The following KIAA1210 variants were observed in gnomAD, a reference collection of about 807,000 sequenced individuals.
KIAA1210 encodes acrosomal protein KIAA1210.
Under a neutral mutation model 78.9 loss-of-function variants are expected in KIAA1210, and 48 were observed. The observed-to-expected ratio is 0.61, with a 90% CI of 0.48 to 0.77. KIAA1210 has a LOEUF of 0.77. KIAA1210 is among the 30% of genes least tolerant of loss of function. KIAA1210 has a pLI of 0.00. For missense variants in KIAA1210, 1,108 were observed against 1,100.0 expected (o/e 1.01, Z -0.10); for synonymous variants, 406 against 404.5 (o/e 1.00, Z -0.04).
chrX:119,108,340 A>G lies in KIAA1210; in HGVS notation c.489T>C (p.Thr163=). ...CTGAACAATTCCACTTTGTTACCTC[A>G]GTGATCTTGGGGCCAGCAACCCAGA... ...SAVWVAGPKI[T]ENPPSRRRRL... Residue 163 remains threonine, a synonymous_variant, in exon 5 of 12, where the codon ACT becomes ACC. Transcript: ENST00000691062. 1.7e-6 allele frequency: 2 copies of G among 1,209,027 alleles called. No individual in the cohort carries two copies. The highest frequency in any genetic ancestry group is 2.2e-6 in the Non-Finnish European group (2 of 893,951).
intron 8 of KIAA1210, among the ~76,000 whole-genome samples, chrX:119,092,748 G>A (rs1337760369): frequency 3.1e-5 from 3 of 95,543 alleles, no homozygotes; most frequent in Admixed American, 1.2e-4. Flanking sequence ...GTGACAGAGT[G>A]AGACTCCGTC....
intron 6 of KIAA1210, among the ~76,000 whole-genome samples, chrX:119,097,285 C>G (rs751341865): frequency 9.0e-6 from 1 of 111,512 alleles, no homozygotes; most frequent in African/African-American, 3.3e-5. Context: ...AGTGATGGAG[C>G]CTGTAACCCT....
rs779296855 is a variant in KIAA1210 at position 119,089,745 on chromosome X, A to T, written c.957T>A (p.Asp319Glu). The change falls in exon 9 of 12, where the codon GAT becomes GAA. Residue 319 changes from aspartate to glutamate, a missense_variant and splice_region_variant. By Grantham distance (45) the Asp-to-Glu change is conservative. Coordinates refer to ENST00000691062, the MANE Select transcript of KIAA1210 (RefSeq NM_001394962.1). ...TGTTGTTCTGTTTCTGGCTTGAGGA[A>T]TCTGCACCAAACAGAAATAAGGAAA... ...NEKKLGMDSA[D>E]SSSQKQNNKT... 21 of 1,190,497 alleles carry T rather than the reference A, an allele frequency of 1.8e-5. No homozygotes were observed. The highest frequency in any genetic ancestry group is 2.4e-5 in the Non-Finnish European group (21 of 886,059).
At chrX:119,095,523 G>A (rs949714084) in intron 7 of KIAA1210, among the ~76,000 whole-genome samples, 1 of 111,121 alleles carries the variant, frequency 9.0e-6, no homozygotes, top group African/African-American at 3.3e-5. Context: ...AGAGTAGCTG[G>A]GATTACAGGG....
chrX:119,094,222 T>C, intron 7 of KIAA1210: 3 of 433,728 alleles, frequency 6.9e-6, no homozygotes, highest in Non-Finnish European at 1.2e-5. Flanking sequence ...GGGAATGTAA[T>C]GAAAGCATGA....
In KIAA1210 at chrX:119,089,219, G is replaced by C. The variant is rs776198112; in HGVS notation, c.1483C>G (p.Leu495Val). 11 of 1,211,408 alleles carry C rather than the reference G, an allele frequency of 9.1e-6. No individual in the cohort carries two copies. The South Asian group carries it at 1.9e-4, about 21-fold the overall frequency. The change falls in exon 9 of 12, where the codon CTG becomes GTG. Residue 495 changes from leucine (L) to valine (V), a missense_variant. Physicochemically the swap from Leu to Val is conservative, Grantham distance 32. Transcript: ENST00000691062. ...GTTGTAGAAAGGCTTTCCACCATCA[G>C]TGAGAGAGAAGCTCTGGCTTCTGTC... ...EKTEARASLSLMVESLSTTQE... is the reference protein window; with the variant it reads ...EKTEARASLSVMVESLSTTQE...
At chrX:119,119,407 GC>G (rs1408096005) in intron 2 of KIAA1210, among the ~76,000 whole-genome samples, 1 of 112,314 alleles carries the variant, frequency 8.9e-6, no homozygotes, top group Non-Finnish European at 1.9e-5. Context: ...ACTAGAATTT[GC>G]CTATATAGGG....
At position 119,106,530 on chromosome X, in the gene KIAA1210, T is replaced by C. The variant is rs148502381; in HGVS notation, c.493-1383A>G. ...TACTGAAGCCCAAGTTCAAGACGTT[T>C]AAAGGCAACAACCAGAACATATGGT... On this transcript the variant is annotated intron_variant, in intron 5 of 11. Coordinates refer to ENST00000691062, the MANE Select transcript of KIAA1210 (RefSeq NM_001394962.1). 4.8e-4 allele frequency among the ~76,000 whole-genome samples: 54 copies of C among 111,846 alleles called. 2 individuals are homozygous for C. In the East Asian group the frequency reaches 0.013, roughly 28 times the overall value.
At chrX:119,107,833 G>T (rs1359911610) in intron 5 of KIAA1210, among the ~76,000 whole-genome samples, 1 of 111,977 alleles carries the variant, frequency 8.9e-6, no homozygotes, top group Non-Finnish European at 1.9e-5. Flanking sequence ...CAGCTGTTAA[G>T]GGTTGTCTCC....
chrX:119,103,490 G>A (rs1331721284), intron 6 of KIAA1210, among the ~76,000 whole-genome samples: 1 of 111,828 alleles, frequency 8.9e-6, no homozygotes, highest in Non-Finnish European at 1.9e-5. Context: ...TACATTGCTA[G>A]TGGGGATGTA....
intron 6 of KIAA1210, among the ~76,000 whole-genome samples, chrX:119,101,958 A>G (rs1191541551): frequency 8.9e-6 from 1 of 112,756 alleles, no homozygotes; most frequent in Non-Finnish European, 1.9e-5. Flanking sequence ...TGTTGTTGTA[A>G]AGATTAAATA....
chrX:119,122,448 A>G (rs1385505174), intron 2 of KIAA1210, among the ~76,000 whole-genome samples: 1 of 111,953 alleles, frequency 8.9e-6, no homozygotes, highest in Admixed American at 9.5e-5. Flanking sequence ...AGCCCTGACT[A>G]GTTCTAAAAC....
intron 3 of KIAA1210, among the ~76,000 whole-genome samples, chrX:119,114,285 C>CAGGAG (rs112180303): frequency 7.1e-4 from 79 of 111,366 alleles, no homozygotes; most frequent in African/African-American, 2.5e-3. Context: ...TGTGGGCCAA[C>CAGGAG]AGGAGAGGAG....
intron 2 of KIAA1210, among the ~76,000 whole-genome samples, chrX:119,116,983 C>T (rs1248884981): frequency 8.9e-6 from 1 of 112,320 alleles, no homozygotes; most frequent in Non-Finnish European, 1.9e-5. Context: ...AACATATACA[C>T]CTCTTTCTTT....
intron 8 of KIAA1210, among the ~76,000 whole-genome samples, chrX:119,092,371 A>G: frequency 8.9e-6 from 1 of 112,030 alleles, no homozygotes; most frequent in East Asian, 2.8e-4. Context: ...TATGCTCCAA[A>G]CCACTTCCAT....
At chrX:119,118,040 A>C (rs1928331861) in intron 2 of KIAA1210, among the ~76,000 whole-genome samples, 1 of 112,115 alleles carries the variant, frequency 8.9e-6, no homozygotes, top group South Asian at 3.7e-4. Flanking sequence ...TTTCACATGC[A>C]ACAAGTGCCA....
intron 7 of KIAA1210, among the ~76,000 whole-genome samples, chrX:119,095,757 C>T (rs770171038): frequency 5.3e-5 from 6 of 112,257 alleles, no homozygotes; most frequent in South Asian, 3.7e-4. Flanking sequence ...ACAGGGATCA[C>T]GGAAAATAAT....
At position 119,088,777 on chromosome X, in the gene KIAA1210, G is replaced by T. The variant is rs1381113922; in HGVS notation, c.1925C>A (p.Ser642Ter). 2 of 1,209,706 alleles carry T rather than the reference G, an allele frequency of 1.7e-6. No homozygotes were observed. Among genetic ancestry groups the T allele is most frequent in the Admixed American group, 4.4e-5 (2 of 45,761 alleles). The change falls in exon 9 of 12, where the codon TCA (serine) becomes TAA (stop). Residue 642 changes from serine to a stop codon, truncating the protein, a stop_gained. Coordinates refer to ENST00000691062, the MANE Select transcript of KIAA1210 (RefSeq NM_001394962.1). LOFTEE classifies it high-confidence loss of function. ...GCTCAAGTCCTCAACAAAACTTTTT[G>T]ATTCTGAGAAGACTTCTTGTTCATC... Reference protein sequence around the residue: ...FEDEQEVFSESKSFVEDLSSS... With the variant: ...FEDEQEVFSE
chrX:119,119,804 G>A (rs910015739), intron 2 of KIAA1210, among the ~76,000 whole-genome samples: 17 of 109,577 alleles, frequency 1.6e-4, no homozygotes, highest in African/African-American at 5.6e-4. Context: ...GTGAAACCCC[G>A]TCTCTACTAA....
Sources: gnomAD v4.1 joint callset for allele counts (sites outside exome capture counted in the v4.1 genomes callset) on GRCh38, gnomAD v4.1.1 for gene constraint, MANE v1.5 for transcripts, NCBI Gene and HGNC (gene_info 2026-07-23, HGNC 2026-07-21) for gene names.